Variants in CMC1 observed in about 807,000 individuals in gnomAD.
The protein encoded by CMC1 is COX assembly mitochondrial protein homolog.
A neutral mutation model predicts 14.1 loss-of-function variants in CMC1; 14 were observed. The ratio of observed to expected loss-of-function variants is 0.99; its 90% CI spans 0.66 to 1.55. CMC1 has a LOEUF of 1.55. Ranked by LOEUF, CMC1 falls within the 40% of genes most tolerant of loss-of-function variation. CMC1 has a pLI of 0.00. For missense variants in CMC1, 127 were observed against 123.8 expected (o/e 1.03, Z -0.12); for synonymous variants, 50 against 38.4 (o/e 1.30, Z -1.12).
intron 1 of CMC1, among the ~76,000 whole-genome samples, chr3:28,258,060 T>TTATA (rs56153777): frequency 0.027 from 3,634 of 135,330 alleles, 80 homozygotes; most frequent in African/African-American, 0.044. Context: ...TTGAGCACCT[T>TTATA]TATATATATA....
At chr3:28,242,833 G>A (rs1489821797) in intron 1 of CMC1, among the ~76,000 whole-genome samples, 1 of 152,154 alleles carries the variant, frequency 6.6e-6, no homozygotes, top group Non-Finnish European at 1.5e-5. Context: ...AGGTGGTTAT[G>A]AAGCAGTTAG....
At chr3:28,252,480 A>G (rs765666456) in intron 1 of CMC1, among the ~76,000 whole-genome samples, 29 of 152,232 alleles carry the variant, frequency 1.9e-4, no homozygotes, top group South Asian at 8.3e-4. Flanking sequence ...CAGCCAGCTG[A>G]CAAATTGCTC....
At chr3:28,247,385 A>G (rs1576966147) in intron 1 of CMC1, among the ~76,000 whole-genome samples, 1 of 152,052 alleles carries the variant, frequency 6.6e-6, no homozygotes, top group African/African-American at 2.4e-5. Context: ...CTGAGCAAGG[A>G]TGTGGTTTCA....
chr3:28,316,266 A>G, intron 2 of CMC1, 67 bp from the exon 3 acceptor site: 1 of 777,754 alleles, frequency 1.3e-6, no homozygotes, highest in Non-Finnish European at 2.0e-6. Context: ...AAAAGAAGAA[A>G]ATTGTGTGTG....
rs928793698 is a variant in CMC1 at position 28,319,880 on chromosome 3, G to A, written c.*251G>A. On this transcript the variant is annotated 3_prime_UTR_variant, in exon 4 of 4. Coordinates refer to ENST00000466830, the MANE Select transcript of CMC1 (RefSeq NM_182523.2). ...TTCCCACAACTATAGTTCTATAACA[G>A]TGATACTGATTTTTTAGAGTTCAAT... 4 of 272,266 alleles carry A rather than the reference G, an allele frequency of 1.5e-5. No individual in the cohort carries two copies. The highest frequency in any genetic ancestry group is 9.0e-5 in the African/African-American group (4 of 44,630). 16.9% of individuals were successfully genotyped at this position (272,266 alleles called of 1,614,324 possible).
At chr3:28,251,410 C>T (rs1003268068) in intron 1 of CMC1, among the ~76,000 whole-genome samples, 4 of 152,192 alleles carry the variant, frequency 2.6e-5, no homozygotes, top group Admixed American at 6.5e-5. Context: ...GTTCATGAGA[C>T]ATCTGCCCTC....
intron 2 of CMC1, among the ~76,000 whole-genome samples, chr3:28,287,131 A>G (rs913827728): frequency 5.9e-5 from 9 of 152,142 alleles, no homozygotes; most frequent in African/African-American, 2.2e-4. Flanking sequence ...CCTCTATAGC[A>G]CTTTTAAATC....
chr3:28,242,349 AAT>A (rs950486930), intron 1 of CMC1, among the ~76,000 whole-genome samples: 2 of 152,234 alleles, frequency 1.3e-5, no homozygotes, highest in African/African-American at 4.8e-5. Context: ...CGTTTGCAGC[AAT>A]AGTTAACTTA....
chr3:28,242,960 G>A (rs1227471296), intron 1 of CMC1, among the ~76,000 whole-genome samples: 1 of 152,096 alleles, frequency 6.6e-6, no homozygotes, highest in Non-Finnish European at 1.5e-5. Flanking sequence ...GTTTCAGGAT[G>A]ACTACCATGA....
At chr3:28,290,640 T>C (rs1701425343) in intron 2 of CMC1, among the ~76,000 whole-genome samples, 1 of 152,114 alleles carries the variant, frequency 6.6e-6, no homozygotes, top group African/African-American at 2.4e-5. Context: ...CTGTGCCCTT[T>C]TGGTTTGTAC....
At chr3:28,292,303 C>A (rs1300192994) in intron 2 of CMC1, among the ~76,000 whole-genome samples, 1 of 152,072 alleles carries the variant, frequency 6.6e-6, no homozygotes, top group East Asian at 1.9e-4. Flanking sequence ...AGTTTAAGAG[C>A]TTACAATATC....
intron 2 of CMC1, among the ~76,000 whole-genome samples, chr3:28,270,663 A>G (rs1700231207): frequency 6.6e-6 from 1 of 151,898 alleles, no homozygotes; most frequent in Non-Finnish European, 1.5e-5. Context: ...CCTTTGTCAG[A>G]TGGGTAGATT....
intron 1 of CMC1, among the ~76,000 whole-genome samples, chr3:28,256,191 ATG>A (rs1401492806): frequency 6.7e-6 from 1 of 148,316 alleles, no homozygotes; most frequent in South Asian, 2.3e-4. Context: ...ATATGCATAT[ATG>A]TGTGTGTGTA....
In CMC1 at chr3:28,261,796, A is replaced by G. The variant is rs143708919; in HGVS notation, c.20-1495A>G. Among the ~76,000 whole-genome samples the G allele has an allele frequency of 2.5e-3, 379 of 152,282 alleles. 3 individuals carry two copies. The highest frequency in any genetic ancestry group is 6.8e-3 in the Middle Eastern group (2 of 294). On this transcript the variant is annotated intron_variant, in intron 1 of 3. Transcript: ENST00000466830. ...AACCTGTGCATTCTCAAGTCCCACCATGGGCCCCTCAGAACCCATGTGTAT... is the reference window on the plus strand; with the variant it reads ...AACCTGTGCATTCTCAAGTCCCACCGTGGGCCCCTCAGAACCCATGTGTAT...
chr3:28,307,949 C>A (rs1017560141), intron 2 of CMC1, among the ~76,000 whole-genome samples: 2 of 152,024 alleles, frequency 1.3e-5, no homozygotes, highest in African/African-American at 4.8e-5. Context: ...TCTCTTTTTT[C>A]CATCTTTAAA....
chr3:28,300,615 C>CTCCCTCCCTCCATCCCTT lies in CMC1; in HGVS notation c.110-15707_110-15706insATCCCTTTCCCTCCCTCC, dbSNP rs1701977528. ...TCTCTCTTCCTTCCTTCCTTCCTCC[C>CTCCCTCCCTCCATCCCTT]TCCCTCCCTCCCTCCATCCCTTTCC... On this transcript the variant is annotated intron_variant, in intron 2 of 3. Coordinates refer to ENST00000466830, the MANE Select transcript of CMC1 (RefSeq NM_182523.2). Among the ~76,000 whole-genome samples the CTCCCTCCCTCCATCCCTT allele has an allele frequency of 2.2e-5, 3 of 136,936 alleles. 1 individual carries two copies. The highest frequency in any genetic ancestry group is 4.7e-5 in the Non-Finnish European group (3 of 64,416). 89.8% of individuals were successfully genotyped at this position (136,936 alleles called of 152,430 possible).
chr3:28,323,440 G>C lies in CMC1; in HGVS notation c.*3811G>C, dbSNP rs1302699534. On this transcript the variant is annotated 3_prime_UTR_variant, in exon 4 of 4. Coordinates refer to ENST00000466830, the MANE Select transcript of CMC1 (RefSeq NM_182523.2). Reference sequence around the variant, plus strand: ...AGTGATCAGGTTGTTTCAAGTCTTAGAATTCAAACTTCAATTCTAAAAAAA... The same window carrying C: ...AGTGATCAGGTTGTTTCAAGTCTTACAATTCAAACTTCAATTCTAAAAAAA... The C allele has an allele frequency of 6.7e-6, 1 of 148,828 alleles. No homozygotes were observed. Among genetic ancestry groups the C allele is most frequent in the Non-Finnish European group, 1.5e-5 (1 of 66,724 alleles). The allele number at this position is 148,828 out of a possible 1,614,324, so 9.2% of individuals were successfully genotyped here.
chr3:28,243,256 G>A (rs765430234), intron 1 of CMC1, among the ~76,000 whole-genome samples: 6 of 152,040 alleles, frequency 3.9e-5, no homozygotes, highest in Middle Eastern at 3.4e-3. Context: ...AGGTTTCGCC[G>A]TGTTCGCCAT....
At chr3:28,261,498 A>G (rs943965935) in intron 1 of CMC1, among the ~76,000 whole-genome samples, 3 of 152,152 alleles carry the variant, frequency 2.0e-5, no homozygotes, top group African/African-American at 7.2e-5. Context: ...AAAAAGAAGT[A>G]ATTTTGGAAG....
Sources: gnomAD v4.1 joint callset for allele counts (sites outside exome capture counted in the v4.1 genomes callset) on GRCh38, gnomAD v4.1.1 for gene constraint, MANE v1.5 for transcripts, NCBI Gene and HGNC (gene_info 2026-07-23, HGNC 2026-07-21) for gene names.